The following ULK4 variants were observed in gnomAD, a reference collection of about 807,000 sequenced individuals.
The protein encoded by ULK4 is inactive serine/threonine-protein kinase ULK4.
A neutral mutation model predicts 160.6 loss-of-function variants in ULK4; 133 were observed. That is an observed-to-expected ratio of 0.83 (90% CI 0.72 to 0.96). ULK4 has a LOEUF of 0.96. Ranked by LOEUF, ULK4 falls within the 40% of genes least tolerant of loss-of-function variation. The pLI is 0.00. For missense variants in ULK4, 1,580 were observed against 1,499.5 expected (o/e 1.05, Z -0.89); for synonymous variants, 534 against 539.8 (o/e 0.99, Z 0.15).
intron 30 of ULK4, among the ~76,000 whole-genome samples, chr3:41,648,651 CT>C (rs1232121484): frequency 1.3e-4 from 20 of 152,164 alleles, no homozygotes; most frequent in African/African-American, 4.6e-4. Context: ...CAAAACACAA[CT>C]TCTTAACTTT....
At chr3:41,633,026 G>C (rs1417711580) in intron 30 of ULK4, among the ~76,000 whole-genome samples, 1 of 152,186 alleles carries the variant, frequency 6.6e-6, no homozygotes, top group African/African-American at 2.4e-5. Flanking sequence ...AAACAGGATG[G>C]TCCATTAAAG....
chr3:41,630,448 G>A (rs548507189), intron 30 of ULK4, among the ~76,000 whole-genome samples: 5 of 152,092 alleles, frequency 3.3e-5, no homozygotes, highest in East Asian at 1.9e-4. Flanking sequence ...CTAAACCAGC[G>A]AGTGAGGATC....
chr3:41,481,046 T>C (rs545082770), intron 32 of ULK4, among the ~76,000 whole-genome samples: 1 of 152,290 alleles, frequency 6.6e-6, no homozygotes, highest in East Asian at 1.9e-4. Flanking sequence ...GTATAATACA[T>C]AAAACATACA....
At chr3:41,787,971 A>G (rs1320373615) in intron 21 of ULK4, among the ~76,000 whole-genome samples, 1 of 152,216 alleles carries the variant, frequency 6.6e-6, no homozygotes, top group Non-Finnish European at 1.5e-5. Context: ...AAATTCTTCT[A>G]AAACTCTCAG....
chr3:41,479,125 G>A (rs2084232201), intron 32 of ULK4, among the ~76,000 whole-genome samples: 2 of 152,198 alleles, frequency 1.3e-5, no homozygotes, highest in Admixed American at 6.5e-5. Flanking sequence ...AGCACTTGCT[G>A]AATTATAAGG....
intron 35 of ULK4, among the ~76,000 whole-genome samples, chr3:41,367,784 C>A (rs562428876): frequency 1.3e-5 from 2 of 151,936 alleles, no homozygotes; most frequent in Non-Finnish European, 2.9e-5. Context: ...TTTGTGGGAG[C>A]CAGCAAAATA....
At chr3:41,407,385 C>G (rs1314292798) in intron 34 of ULK4, among the ~76,000 whole-genome samples, 1 of 152,080 alleles carries the variant, frequency 6.6e-6, no homozygotes, top group Non-Finnish European at 1.5e-5. Context: ...GATACCCCAA[C>G]CAGACAAAGA....
chr3:41,347,745 G>A (rs1367895844), intron 35 of ULK4, among the ~76,000 whole-genome samples: 1 of 152,102 alleles, frequency 6.6e-6, no homozygotes, highest in African/African-American at 2.4e-5. Flanking sequence ...TTCTGTGCAT[G>A]GGCCACTTCT....
At chr3:41,419,499 T>C (rs746397870) in intron 34 of ULK4, among the ~76,000 whole-genome samples, 5 of 152,094 alleles carry the variant, frequency 3.3e-5, no homozygotes, top group Admixed American at 6.5e-5. Context: ...CCTCAAAGCA[T>C]AGACACCATG....
At chr3:41,638,527 T>C (rs1388624624) in intron 30 of ULK4, among the ~76,000 whole-genome samples, 1 of 152,196 alleles carries the variant, frequency 6.6e-6, no homozygotes, top group Non-Finnish European at 1.5e-5. Flanking sequence ...TTTTTTCCTA[T>C]GTAATATGCT....
At chr3:41,314,970 G>A (rs1430267755) in intron 35 of ULK4, among the ~76,000 whole-genome samples, 1 of 151,960 alleles carries the variant, frequency 6.6e-6, no homozygotes, top group Non-Finnish European at 1.5e-5. Flanking sequence ...GTATTTATCA[G>A]TATTTACTAT....
intron 17 of ULK4, among the ~76,000 whole-genome samples, chr3:41,864,708 G>A (rs975159109): frequency 6.6e-6 from 1 of 152,130 alleles, no homozygotes. Context: ...GAGTCCAGGA[G>A]CTCAAGAAGA....
intron 35 of ULK4, among the ~76,000 whole-genome samples, chr3:41,333,607 C>A (rs1313176363): frequency 6.6e-6 from 1 of 152,110 alleles, no homozygotes; most frequent in Non-Finnish European, 1.5e-5. Flanking sequence ...CACCTTGTGA[C>A]AAGTTTCATT....
chr3:41,497,972 C>A (rs2085050929), intron 32 of ULK4, among the ~76,000 whole-genome samples: 4 of 152,122 alleles, frequency 2.6e-5, no homozygotes, highest in Admixed American at 2.6e-4. Flanking sequence ...TTTAATACTT[C>A]TCTCAGAGAC....
chr3:41,614,537 T>C (rs546484480), intron 31 of ULK4, among the ~76,000 whole-genome samples: 1 of 152,352 alleles, frequency 6.6e-6, no homozygotes, highest in South Asian at 2.1e-4. Context: ...TTCTCTATCC[T>C]TTCTCTAAAA....
chr3:41,762,702 G>GC (rs2039028479), intron 21 of ULK4, among the ~76,000 whole-genome samples: 1 of 128,844 alleles, frequency 7.8e-6, no homozygotes, highest in South Asian at 2.5e-4. Flanking sequence ...TCGCTCTGTC[G>GC]CCCAGGCTGG....
intron 22 of ULK4, among the ~76,000 whole-genome samples, chr3:41,733,339 T>C (rs1461975924): frequency 6.6e-6 from 1 of 151,982 alleles, no homozygotes; most frequent in African/African-American, 2.4e-5. Context: ...TCTGAAACCA[T>C]TTAAATGGAA....
intron 35 of ULK4, among the ~76,000 whole-genome samples, chr3:41,268,496 G>C (rs2079082559): frequency 2.0e-5 from 3 of 152,134 alleles, no homozygotes; most frequent in Admixed American, 6.5e-5. Flanking sequence ...AGAGGTTCTG[G>C]CAGACTACCC....
At chr3:41,247,090 T>G in intron 36 of ULK4, 98 bp from the exon 37 acceptor site, 10 of 1,138,108 alleles carry the variant, frequency 8.8e-6, no homozygotes, top group Non-Finnish European at 1.3e-5. Flanking sequence ...CCCGAGTATC[T>G]GGTGGACCAG....
Sources: allele counts gnomAD v4.1 joint callset (sites outside exome capture counted in the v4.1 genomes callset), GRCh38; gene constraint gnomAD v4.1.1; transcripts MANE v1.5; gene names NCBI Gene and HGNC (gene_info 2026-07-23, HGNC 2026-07-21).